Variants in AGO2 observed in about 807,000 individuals in gnomAD.
AGO2 encodes protein argonaute-2.
AGO2 carries 5 observed loss-of-function variants against 102.3 expected under a neutral mutation model. That is an observed-to-expected ratio of 0.05 (90% CI 0.03 to 0.10). The LOEUF (loss-of-function observed/expected upper bound fraction) is 0.10, where lower values mean the gene tolerates loss of function less well. Among genes scored for constraint, AGO2 ranks in the 10% least tolerant of loss-of-function variants. AGO2 has a pLI of 1.00. For synonymous variants in AGO2, 449 were observed against 473.1 expected (o/e 0.95, Z 0.66); for missense variants, 541 against 1,183.7 (o/e 0.46, Z 7.97).
intron 4 of AGO2, among the ~76,000 whole-genome samples, chr8:140,561,838 G>A (rs1031707231): frequency 1.3e-5 from 2 of 152,176 alleles, no homozygotes; most frequent in African/African-American, 4.8e-5. Context: ...ACTTGTTCCC[G>A]GGCACCAGTG....
At chr8:140,611,363 T>A (rs2074076786) in intron 1 of AGO2, among the ~76,000 whole-genome samples, 1 of 151,844 alleles carries the variant, frequency 6.6e-6, no homozygotes, top group African/African-American at 2.4e-5. Context: ...AGACTCGCTC[T>A]GTTGCCCAGG....
Position 140,524,094 on chromosome 8 carries a change from A to G in AGO2, c.*7950T>C, listed in dbSNP as rs2072459975. The G allele has an allele frequency of 6.6e-6, 1 of 152,280 alleles. No individual in the cohort carries two copies. The highest frequency in any genetic ancestry group is 2.1e-4 in the South Asian group (1 of 4,834). The allele number at this position is 152,280 out of a possible 1,614,324, so 9.4% of individuals were successfully genotyped here. ...CACAGCTCAAGGTGACACCACACCA[A>G]AGTAAGCGGTTTCCCAGGAAGTCAC... On this transcript the variant is annotated 3_prime_UTR_variant, in exon 19 of 19. Coordinates refer to ENST00000220592, the MANE Select transcript of AGO2 (RefSeq NM_012154.5).
intron 1 of AGO2, among the ~76,000 whole-genome samples, chr8:140,621,753 A>G (rs1252577152): frequency 1.3e-5 from 2 of 152,220 alleles, no homozygotes; most frequent in African/African-American, 4.8e-5. Context: ...GAAATGGTTT[A>G]GTATGGTTCA....
At chr8:140,613,131 C>T (rs111234345) in intron 1 of AGO2, among the ~76,000 whole-genome samples, 23,626 of 151,994 alleles carry the variant, frequency 0.16, 2,433 homozygotes, top group Admixed American at 0.3. Context: ...ACCCGGGAGG[C>T]GGAGCTTGCA....
chr8:140,602,705 A>C (rs2073948577), intron 1 of AGO2, among the ~76,000 whole-genome samples: 1 of 152,264 alleles, frequency 6.6e-6, no homozygotes, highest in Admixed American at 6.5e-5. Context: ...CAAATGACAG[A>C]AATCAGAAAA....
rs117091679 is a variant in AGO2 at position 140,597,858 on chromosome 8, C to T, written c.23-12547G>A. Among the ~76,000 whole-genome samples, 22 of 152,344 alleles carry T rather than the reference C, an allele frequency of 1.4e-4. No homozygotes were observed. In the East Asian group the frequency reaches 2.9e-3, roughly 20 times the overall value. On this transcript the variant is annotated intron_variant, in intron 1 of 18. Coordinates refer to ENST00000220592, the MANE Select transcript of AGO2 (RefSeq NM_012154.5). ...AACATCTCCTGCTCATCTGCTGAAA[C>T]GCACACGCCTGTTCCACTCATCACC...
intron 14 of AGO2, 120 bp downstream of exon 14, chr8:140,544,093 G>A (rs568753632): frequency 4.9e-5 from 53 of 1,091,532 alleles, no homozygotes; most frequent in African/African-American, 1.6e-4. Flanking sequence ...CGTCCCTACC[G>A]CAGCTTAGTG....
At chr8:140,634,483 C>G (rs1029748029) in intron 1 of AGO2, among the ~76,000 whole-genome samples, 1 of 152,258 alleles carries the variant, frequency 6.6e-6, no homozygotes, top group African/African-American at 2.4e-5. Flanking sequence ...TCCCAGCGGC[C>G]AGGCCGGCCG....
At chr8:140,550,455 G>A (rs1355471448) in intron 11 of AGO2, among the ~76,000 whole-genome samples, 3 of 152,226 alleles carry the variant, frequency 2.0e-5, no homozygotes, top group African/African-American at 7.2e-5. Flanking sequence ...CATCCTGGGT[G>A]AGGGCAGGCC....
At chr8:140,550,704 C>T (rs2072980173) in intron 11 of AGO2, among the ~76,000 whole-genome samples, 1 of 152,182 alleles carries the variant, frequency 6.6e-6, no homozygotes, top group African/African-American at 2.4e-5. Context: ...GCAACCTCCA[C>T]CTCCCGGGTT....
At chr8:140,604,291 G>C (rs1171357359) in intron 1 of AGO2, among the ~76,000 whole-genome samples, 1 of 152,244 alleles carries the variant, frequency 6.6e-6, no homozygotes, top group African/African-American at 2.4e-5. Flanking sequence ...CTAGCTGGGA[G>C]TTCATGTTCA....
At chr8:140,617,037 G>A (rs2074150351) in intron 1 of AGO2, among the ~76,000 whole-genome samples, 1 of 152,092 alleles carries the variant, frequency 6.6e-6, no homozygotes, top group Non-Finnish European at 1.5e-5. Context: ...CGGAGATGCA[G>A]CAGGAGCAGG....
chr8:140,549,554 C>G (rs538844769), intron 11 of AGO2, among the ~76,000 whole-genome samples: 19 of 152,392 alleles, frequency 1.2e-4, no homozygotes, highest in African/African-American at 2.9e-4. Flanking sequence ...ATGCGGCTAA[C>G]TTGCCACCGT....
intron 1 of AGO2, among the ~76,000 whole-genome samples, chr8:140,629,917 G>A (rs1300278934): frequency 1.3e-5 from 2 of 148,528 alleles, no homozygotes; most frequent in East Asian, 2.0e-4. Flanking sequence ...GGAGGCGAGG[G>A]GAGGGGAGCG....
At chr8:140,572,621 C>T in intron 3 of AGO2, 191 bp downstream of exon 3, 1 of 730,508 alleles carries the variant, frequency 1.4e-6, no homozygotes, top group Non-Finnish European at 2.0e-6. Context: ...AGTTAAACCC[C>T]CATCACTGAA....
intron 14 of AGO2, chr8:140,541,559 T>C (rs2072798986): frequency 9.6e-6 from 5 of 520,740 alleles, no homozygotes; most frequent in Non-Finnish European, 1.7e-5. Flanking sequence ...AAATACGTAC[T>C]GAAGTACAAA....
chr8:140,595,031 A>C (rs571865888), intron 1 of AGO2, among the ~76,000 whole-genome samples: 2 of 152,316 alleles, frequency 1.3e-5, no homozygotes, highest in East Asian at 1.9e-4. Context: ...ACTCCCATCC[A>C]TGTGGGGAGA....
chr8:140,573,319 G>A (rs1473749723), intron 2 of AGO2, among the ~76,000 whole-genome samples: 3 of 151,818 alleles, frequency 2.0e-5, no homozygotes, highest in South Asian at 4.2e-4. Flanking sequence ...ACAGGTGCCC[G>A]CCACCACACT....
At chr8:140,569,195 C>T (rs1047795581) in intron 3 of AGO2, among the ~76,000 whole-genome samples, 3 of 152,244 alleles carry the variant, frequency 2.0e-5, no homozygotes, top group Admixed American at 6.5e-5. Context: ...GCAGGAGTGC[C>T]GAACTACCAT....
Sources: gnomAD v4.1 joint callset for allele counts (sites outside exome capture counted in the v4.1 genomes callset) on GRCh38, gnomAD v4.1.1 for gene constraint, MANE v1.5 for transcripts, NCBI Gene and HGNC (gene_info 2026-07-23, HGNC 2026-07-21) for gene names.